The following NCKAP1 variants were observed in gnomAD, a reference collection of about 807,000 sequenced individuals.
NCKAP1 encodes the protein NCK associated protein 1.
In NCKAP1, 21 loss-of-function variants were observed where a neutral mutation model predicts 151.2. That is an observed-to-expected ratio of 0.14 (90% confidence interval 0.10 to 0.20). The LOEUF (loss-of-function observed/expected upper bound fraction) is 0.20. Ranked by LOEUF, NCKAP1 falls within the 10% of genes least tolerant of loss-of-function variation. NCKAP1 has a pLI of 1.00. For synonymous variants in NCKAP1, 484 were observed against 451.8 expected (o/e 1.07, Z -0.90); for missense variants, 933 against 1,352.1 (o/e 0.69, Z 4.86).
At chr2:183,014,216 A>T (rs1320368073) in intron 2 of NCKAP1, among the ~76,000 whole-genome samples, 2 of 152,182 alleles carry the variant, frequency 1.3e-5, no homozygotes, top group Non-Finnish European at 2.9e-5. Flanking sequence ...AAAGGATTTA[A>T]ATAAATAAAT....
intron 18 of NCKAP1, among the ~76,000 whole-genome samples, chr2:182,960,385 T>C (rs1575031676): frequency 6.6e-6 from 1 of 152,100 alleles, no homozygotes. Context: ...AAAACAGAGA[T>C]ATAGACCAAT....
chr2:183,022,565 T>TC (rs1214370908), intron 2 of NCKAP1, among the ~76,000 whole-genome samples: 3 of 152,146 alleles, frequency 2.0e-5, no homozygotes, highest in Non-Finnish European at 4.4e-5. Context: ...AGCAGAAGGA[T>TC]CCCTTGAGCC....
At chr2:183,007,553 C>A (rs1022459141) in intron 2 of NCKAP1, among the ~76,000 whole-genome samples, 8 of 152,006 alleles carry the variant, frequency 5.3e-5, no homozygotes, top group African/African-American at 1.9e-4. Flanking sequence ...TACAAAGGAA[C>A]GTGGGTAGTT....
chr2:182,985,601 A>T (rs973994528), intron 10 of NCKAP1, among the ~76,000 whole-genome samples: 6 of 152,090 alleles, frequency 3.9e-5, no homozygotes, highest in African/African-American at 1.4e-4. Context: ...CAGGAGTTCA[A>T]GACCAGTCTA....
At position 182,989,134 on chromosome 2, in the gene NCKAP1, G is replaced by A; in HGVS notation, c.843C>T (p.Asn281=). ...TACTTTGAAGAGCTAGTTTCCAAAG[G>A]TTCAGTGCTGTAGCGTCAGTATTTA... is the stretch of plus-strand genomic sequence containing the variant. The part of the protein sequence containing the change: ...GILNTDATAL[N]LWKLALQSSS... The change falls in exon 9 of 31, where the codon AAC becomes AAT. Residue 281 remains asparagine (N), a synonymous_variant. Coordinates refer to ENST00000361354, the MANE Select transcript of NCKAP1 (RefSeq NM_013436.5). 2 of 1,613,576 alleles carry A rather than the reference G, an allele frequency of 1.2e-6. No individual in the cohort carries two copies. Among genetic ancestry groups the A allele is most frequent in the Non-Finnish European group, 1.7e-6 (2 of 1,179,546 alleles).
rs1696360424 is a variant in NCKAP1, at chr2:182,909,879, A to AT, written c.*15822dup. 1 of 152,192 alleles carries AT rather than the reference A, an allele frequency of 6.6e-6. No individual in the cohort carries two copies. The highest frequency in any genetic ancestry group is 2.1e-4 in the South Asian group (1 of 4,834). 9.4% of individuals were successfully genotyped at this position (152,192 alleles called of 1,614,324 possible). A position where few individuals can be genotyped will look rare whatever the true frequency, so the allele number is the denominator to read the frequency against. On this transcript the variant is annotated 3_prime_UTR_variant, in exon 31 of 31. Transcript: ENST00000361354. The stretch of plus-strand genomic sequence containing the variant: ...AATCCATTCTCAGCCACCGATTTAG[A>AT]TAAGGGCCAAATAGCCTCCTGATCC...
intron 29 of NCKAP1, among the ~76,000 whole-genome samples, chr2:182,927,570 TAGAG>T (rs67843899): frequency 0.1 from 15,377 of 152,074 alleles, 1,101 homozygotes; most frequent in African/African-American, 0.2. Context: ...ACTACATTGA[TAGAG>T]AAACTAAAAA....
chr2:182,930,180 A>G (rs1467000658), intron 27 of NCKAP1, among the ~76,000 whole-genome samples: 1 of 151,774 alleles, frequency 6.6e-6, no homozygotes, highest in African/African-American at 2.4e-5. Flanking sequence ...GTTATCTCCA[A>G]ATCCTTTCCT....
rs539291559 is a variant in NCKAP1, at chr2:182,971,959, T to C, written c.1483-4598A>G. Among the ~76,000 whole-genome samples the C allele has an allele frequency of 2.0e-5, 3 of 152,086 alleles. No homozygotes were observed. In the East Asian group the frequency reaches 5.8e-4, roughly 29 times the overall value. On this transcript the variant is annotated intron_variant, in intron 15 of 30. Coordinates refer to ENST00000361354, the MANE Select transcript of NCKAP1 (RefSeq NM_013436.5). The stretch of plus-strand genomic sequence containing the variant: ...AATGTAAGACCTGAAACTATGACAC[T>C]ACTAGAAGAAAACACTGGTGAAACA...
intron 18 of NCKAP1, among the ~76,000 whole-genome samples, chr2:182,958,452 G>GT (rs1392010846): frequency 1.3e-5 from 2 of 152,116 alleles, no homozygotes; most frequent in East Asian, 3.9e-4. Context: ...CCATGAAGAG[G>GT]TAATTTTCTA....
At chr2:183,021,956 C>T (rs934400220) in intron 2 of NCKAP1, among the ~76,000 whole-genome samples, 3 of 151,968 alleles carry the variant, frequency 2.0e-5, no homozygotes, top group Non-Finnish European at 2.9e-5. Context: ...TGAATTATAC[C>T]TCAATAAAAC....
Position 183,002,144 on chromosome 2 carries a change from T to C in NCKAP1, c.495A>G (p.Glu165=). 2 of 1,613,004 alleles carry C rather than the reference T, an allele frequency of 1.2e-6. No individual in the cohort carries two copies. The highest frequency in any genetic ancestry group is 1.7e-6 in the Non-Finnish European group (2 of 1,179,402). The part of the protein sequence containing the change: ...AIIGLYNYAH[E]MTHGASDREY... The stretch of plus-strand genomic sequence containing the variant: ...AAATCTACCTTGCTCCATGAGTCAT[T>C]TCATGGGCATAGTTGTATAATCCAA... The change falls in exon 5 of 31, where the codon GAA becomes GAG. Residue 165 remains glutamate (E), a synonymous_variant. Transcript: ENST00000361354.
intron 15 of NCKAP1, among the ~76,000 whole-genome samples, chr2:182,970,288 C>T (rs1222212906): frequency 6.6e-6 from 1 of 152,142 alleles, no homozygotes; most frequent in Non-Finnish European, 1.5e-5. Context: ...GATACCAAAA[C>T]CAGACAAAGA....
Position 182,982,874 on chromosome 2 carries a change from T to C in NCKAP1, c.1155A>G (p.Leu385=). ...LSFARDEIIW[L]LRHADNMPKK... ...TTGGCATGTTATCTGCATGACGAAG[T>C]AGCCAGATGATTTCATCACGGGCAA... The change falls in exon 12 of 31, where the codon CTA becomes CTG. Residue 385 remains leucine (L), a synonymous_variant. Transcript: ENST00000361354. 6.2e-7 allele frequency: 1 copy of C among 1,612,088 alleles called. No homozygotes were observed. The highest frequency in any genetic ancestry group is 8.5e-7 in the Non-Finnish European group (1 of 1,179,082).
chr2:182,962,617 T>C (rs938319886), intron 17 of NCKAP1, among the ~76,000 whole-genome samples: 2 of 152,172 alleles, frequency 1.3e-5, no homozygotes, highest in Admixed American at 6.6e-5. Flanking sequence ...AAACATATAA[T>C]GTGAAAGCAA....
At chr2:183,009,560 G>T (rs563345671) in intron 2 of NCKAP1, among the ~76,000 whole-genome samples, 17 of 152,252 alleles carry the variant, frequency 1.1e-4, no homozygotes, top group African/African-American at 4.1e-4. Context: ...ATTACTGAGT[G>T]TTTAAGATGT....
At chr2:182,925,901 C>A (rs751413700) in intron 30 of NCKAP1, 83 bp from the exon 31 acceptor site, 46 of 617,630 alleles carry the variant, frequency 7.4e-5, no homozygotes, top group Middle Eastern at 4.6e-4. Flanking sequence ...ATAATGGGAA[C>A]ATTTATTGAC....
chr2:182,972,224 CAAAAAAA>C (rs56834438), intron 15 of NCKAP1, among the ~76,000 whole-genome samples: 2 of 67,706 alleles, frequency 3.0e-5, no homozygotes, highest in African/African-American at 5.9e-5. Context: ...AGCTTAATAG[CAAAAAAA>C]AAAAAAAAAA....
At position 183,038,192 on chromosome 2, in the gene NCKAP1, C is replaced by CCCGCCCGCGACCT. The variant is rs1699145038; in HGVS notation, c.-106_-94dup. On this transcript the variant is annotated 5_prime_UTR_variant, in exon 1 of 31. Coordinates refer to ENST00000361354, the MANE Select transcript of NCKAP1 (RefSeq NM_013436.5). ...CAGCCTCTCTCGGGCCTCCTCCCCT[C>CCCGCCCGCGACCT]CCGCCCGCGACCTCCGCCTTAGGAG... 1 of 858,244 alleles carries CCCGCCCGCGACCT rather than the reference C, an allele frequency of 1.2e-6. No individual in the cohort carries two copies. The highest frequency in any genetic ancestry group is 1.7e-6 in the Non-Finnish European group (1 of 601,376). 53.2% of individuals were successfully genotyped at this position (858,244 alleles called of 1,614,324 possible). A position where few individuals can be genotyped will look rare whatever the true frequency, so the allele number is the denominator to read the frequency against.
Sources: allele counts gnomAD v4.1 joint callset (sites outside exome capture counted in the v4.1 genomes callset), GRCh38; gene constraint gnomAD v4.1.1; transcripts MANE v1.5; gene names NCBI Gene and HGNC (gene_info 2026-07-23, HGNC 2026-07-21).